TENM3: variants seen among roughly 807,000 people sequenced by gnomAD.
The protein encoded by TENM3 is teneurin-3.
Under a neutral mutation model 255.1 loss-of-function variants are expected in TENM3, and 63 were observed. The ratio of observed to expected loss-of-function variants is 0.25; its 90% confidence interval spans 0.20 to 0.30. The LOEUF is 0.30. Among genes scored for constraint, TENM3 ranks in the 10% least tolerant of loss-of-function variants. The probability of loss-of-function intolerance (pLI) is 1.00; values close to 1 mark genes in which losing one functional copy is unlikely to be tolerated. For missense variants in TENM3, 2,929 were observed against 3,461.1 expected, an observed-to-expected ratio of 0.85 and a Z score of 3.86; for synonymous variants, 1,306 against 1,322.3, an observed-to-expected ratio of 0.99 and a Z score of 0.27.
the TENM3 span, among the ~76,000 whole-genome samples, chr4:181,587,723 C>T: frequency 6.6e-6 from 1 of 152,190 alleles, no homozygotes; most frequent in Admixed American, 6.5e-5. Flanking sequence ...CTGGGCACCT[C>T]GCTTTGTTTC....
At chr4:182,374,796 C>T (rs548160984) in intron 3 of TENM3, among the ~76,000 whole-genome samples, 3 of 152,174 alleles carry the variant, frequency 2.0e-5, no homozygotes, top group Non-Finnish European at 2.9e-5. Context: ...CTTCATAAAA[C>T]GTCTTTGCAC....
the TENM3 span, among the ~76,000 whole-genome samples, chr4:181,827,023 T>C: frequency 6.6e-6 from 1 of 152,200 alleles, no homozygotes; most frequent in Non-Finnish European, 1.5e-5. Context: ...TGTCATTTCC[T>C]AGCTGGGTGA....
the TENM3 span, among the ~76,000 whole-genome samples, chr4:182,007,613 G>A: frequency 6.6e-6 from 1 of 152,090 alleles, no homozygotes; most frequent in Non-Finnish European, 1.5e-5. Context: ...GAGCCTATGT[G>A]TGTCTTTGCA....
At chr4:182,549,031 C>T (rs1350058212) in intron 3 of TENM3, among the ~76,000 whole-genome samples, 2 of 152,250 alleles carry the variant, frequency 1.3e-5, no homozygotes, top group African/African-American at 4.8e-5. Context: ...GGCAGCCCAG[C>T]AATAACTTAA....
chr4:182,280,187 C>T (rs989627493), intron 1 of TENM3, among the ~76,000 whole-genome samples: 21 of 152,190 alleles, frequency 1.4e-4, no homozygotes, highest in Admixed American at 1.0e-3. Flanking sequence ...TTCTTTTGGC[C>T]GCTCGACTTT....
chr4:182,522,908 C>T (rs77361732), intron 3 of TENM3, among the ~76,000 whole-genome samples: 2,227 of 152,248 alleles, frequency 0.015, 54 homozygotes, highest in Non-Finnish European at 0.017. Context: ...ACTTTACATT[C>T]CTACCAACAG....
chr4:182,042,676 T>C, the TENM3 span, among the ~76,000 whole-genome samples: 18 of 152,246 alleles, frequency 1.2e-4, no homozygotes, highest in Admixed American at 1.0e-3. Context: ...ATCAGAGAAA[T>C]TGAGTTATAC....
the TENM3 span, among the ~76,000 whole-genome samples, chr4:181,522,017 C>T: frequency 3.6e-5 from 5 of 138,640 alleles, no homozygotes; most frequent in Non-Finnish European, 4.6e-5. Context: ...AGGAGAATGG[C>T]GTGAACGCGG....
At chr4:181,733,747 G>C in the TENM3 span, among the ~76,000 whole-genome samples, 1 of 152,184 alleles carries the variant, frequency 6.6e-6, no homozygotes, top group Non-Finnish European at 1.5e-5. Context: ...CAGGTACTTA[G>C]AGTCCCCGGA....
the TENM3 span, among the ~76,000 whole-genome samples, chr4:181,526,655 GTGGTAGTGA>G: frequency 0.043 from 6,512 of 152,210 alleles, 365 homozygotes; most frequent in African/African-American, 0.13. Context: ...GGTAGTAGTG[GTGGTAGTGA>G]TGGTGGTGAT....
At chr4:182,077,563 C>A in the TENM3 span, among the ~76,000 whole-genome samples, 1 of 152,094 alleles carries the variant, frequency 6.6e-6, no homozygotes, top group Admixed American at 6.5e-5. Flanking sequence ...AATACTGGGG[C>A]AGGTAGAGGA....
At chr4:181,847,920 G>T in the TENM3 span, among the ~76,000 whole-genome samples, 1 of 152,048 alleles carries the variant, frequency 6.6e-6, no homozygotes, top group South Asian at 2.1e-4. Flanking sequence ...ACCTGCTCAG[G>T]ACTGAAAAGA....
At chr4:182,343,612 A>C (rs1454276546) in intron 2 of TENM3, among the ~76,000 whole-genome samples, 1 of 151,550 alleles carries the variant, frequency 6.6e-6, no homozygotes, top group Non-Finnish European at 1.5e-5. Context: ...AGCCCTCCCC[A>C]CTACTACAAG....
intron 3 of TENM3, among the ~76,000 whole-genome samples, chr4:182,408,748 G>A (rs1580442317): frequency 6.6e-6 from 1 of 152,196 alleles, no homozygotes; most frequent in Admixed American, 6.5e-5. Flanking sequence ...AGATGAAATA[G>A]TATTCATCCA....
the TENM3 span, among the ~76,000 whole-genome samples, chr4:181,967,248 C>T: frequency 1.3e-5 from 2 of 152,098 alleles, no homozygotes; most frequent in Non-Finnish European, 2.9e-5. Flanking sequence ...AGAATGAGGT[C>T]CAAATATGGG....
the TENM3 span, among the ~76,000 whole-genome samples, chr4:181,881,530 T>G: frequency 6.6e-6 from 1 of 152,132 alleles, no homozygotes; most frequent in Non-Finnish European, 1.5e-5. Context: ...TGACCACATA[T>G]CATGTACAAA....
At chr4:181,815,681 G>A in the TENM3 span, among the ~76,000 whole-genome samples, 1 of 152,204 alleles carries the variant, frequency 6.6e-6, no homozygotes, top group East Asian at 1.9e-4. Context: ...CTGGGAGACC[G>A]AAGGCTGTCA....
the TENM3 span, among the ~76,000 whole-genome samples, chr4:182,015,697 A>T: frequency 6.6e-6 from 1 of 151,902 alleles, no homozygotes; most frequent in African/African-American, 2.4e-5. Flanking sequence ...AGTAGCTGGG[A>T]CTACGGGCAT....
rs539192992 is a variant in TENM3, at chr4:182,762,202, CTCTT to C, written c.4892+6946_4892+6949del. On this transcript the variant is annotated intron_variant, in intron 22 of 27. Coordinates refer to ENST00000511685, the MANE Select transcript of TENM3 (RefSeq NM_001080477.4). ...GTTGATAGTTGCAAGGTTGAATTAA[CTCTT>C]TCAGGGTGTTCCATTTGGCAAGTCA... Among the ~76,000 whole-genome samples the C allele has an allele frequency of 1.7e-3, 262 of 152,346 alleles. 2 individuals are homozygous for C. Among genetic ancestry groups the C allele is most frequent in the African/African-American group, 6.2e-3 (257 of 41,592 alleles).
Sources: allele counts gnomAD v4.1 joint callset (sites outside exome capture counted in the v4.1 genomes callset), GRCh38; gene constraint gnomAD v4.1.1; transcripts MANE v1.5; gene names NCBI Gene and HGNC (gene_info 2026-07-23, HGNC 2026-07-21).